CNTN5: variants seen among roughly 807,000 people sequenced by gnomAD.
CNTN5 encodes contactin-5.
CNTN5 carries 77 observed loss-of-function variants against 129.1 expected under a neutral mutation model. The observed-to-expected ratio is 0.60, with a 90% CI of 0.50 to 0.72. The LOEUF (loss-of-function observed/expected upper bound fraction) is 0.72. Among genes scored for constraint, CNTN5 ranks in the 30% least tolerant of loss-of-function variants. The pLI, the probability that CNTN5 is intolerant of heterozygous loss-of-function variation, is 0.00. For synonymous variants in CNTN5, 509 were observed against 465.6 expected, an observed-to-expected ratio of 1.09 and a Z score of -1.20; for missense variants, 1,478 against 1,328.8, an observed-to-expected ratio of 1.11 and a Z score of -1.75.
At chr11:99,833,638 G>A (rs75052226) in intron 4 of CNTN5, among the ~76,000 whole-genome samples, 53 of 152,242 alleles carry the variant, frequency 3.5e-4, no homozygotes, top group African/African-American at 1.3e-3. Context: ...TTAGGAATAC[G>A]TTTGTTGAGG....
chr11:100,308,907 T>C, intron 21 of CNTN5: 4 of 981,110 alleles, frequency 4.1e-6, no homozygotes, highest in Non-Finnish European at 4.8e-6. Context: ...GTATTGTATC[T>C]ATGTATTCAG....
chr11:99,645,230 A>C (rs1413626353), intron 3 of CNTN5, among the ~76,000 whole-genome samples: 1 of 120,276 alleles, frequency 8.3e-6, no homozygotes, highest in Non-Finnish European at 1.6e-5. Context: ...ACTGCACTCC[A>C]GCCTGGGCAA....
chr11:100,078,904 T>C (rs1324032326), intron 13 of CNTN5, among the ~76,000 whole-genome samples: 2 of 152,036 alleles, frequency 1.3e-5, no homozygotes, highest in Non-Finnish European at 2.9e-5. Flanking sequence ...GGGTAATTTA[T>C]AAAGGAAAGA....
At chr11:100,132,599 G>C (rs1281394670) in intron 13 of CNTN5, among the ~76,000 whole-genome samples, 2 of 152,114 alleles carry the variant, frequency 1.3e-5, no homozygotes, top group African/African-American at 4.8e-5. Context: ...GTTGAAATAA[G>C]CTTGCTAGTG....
At chr11:99,652,961 C>G (rs992804727) in intron 3 of CNTN5, among the ~76,000 whole-genome samples, 7 of 151,958 alleles carry the variant, frequency 4.6e-5, no homozygotes, top group African/African-American at 1.7e-4. Flanking sequence ...GGGTTTATTT[C>G]AAGAATATAT....
chr11:100,069,289 C>A (rs12802611), intron 10 of CNTN5, among the ~76,000 whole-genome samples: 12,526 of 151,926 alleles, frequency 0.082, 604 homozygotes, highest in East Asian at 0.19. Flanking sequence ...AGTGGCTGGA[C>A]CGATAGGCAT....
intron 8 of CNTN5, among the ~76,000 whole-genome samples, chr11:99,981,307 C>T (rs1938335273): frequency 6.6e-6 from 1 of 151,882 alleles, no homozygotes; most frequent in South Asian, 2.1e-4. Flanking sequence ...CCTGATAACC[C>T]AGGGGGACCA....
At chr11:99,874,536 A>G (rs974129535) in intron 6 of CNTN5, among the ~76,000 whole-genome samples, 1 of 152,190 alleles carries the variant, frequency 6.6e-6, no homozygotes, top group South Asian at 2.1e-4. Context: ...TTGACGGATA[A>G]TACCTACATC....
At chr11:99,388,895 G>A (rs192970051) in intron 2 of CNTN5, among the ~76,000 whole-genome samples, 1 of 152,176 alleles carries the variant, frequency 6.6e-6, no homozygotes, top group Admixed American at 6.5e-5. Context: ...AATGCTCTGG[G>A]TACTGTGGAA....
intron 16 of CNTN5, among the ~76,000 whole-genome samples, chr11:100,252,583 T>C (rs146210634): frequency 1.4e-4 from 21 of 152,156 alleles, no homozygotes; most frequent in African/African-American, 4.8e-4. Context: ...TTTGAATTGA[T>C]TTTTGTATGA....
intron 2 of CNTN5, among the ~76,000 whole-genome samples, chr11:99,511,905 C>T (rs1181984955): frequency 2.6e-5 from 4 of 151,078 alleles, no homozygotes; most frequent in East Asian, 1.9e-4. Flanking sequence ...TATAGCTCTA[C>T]AATGCATTTG....
At chr11:99,874,861 G>C (rs1210070934) in intron 6 of CNTN5, among the ~76,000 whole-genome samples, 1 of 151,780 alleles carries the variant, frequency 6.6e-6, no homozygotes, top group Non-Finnish European at 1.5e-5. Flanking sequence ...TTTCCTTTTG[G>C]CCATGGGAGT....
chr11:100,340,359 T>C, intron 21 of CNTN5, 104 bp from the exon 22 acceptor site: 1 of 757,326 alleles, frequency 1.3e-6, no homozygotes, highest in East Asian at 2.7e-5. Context: ...GATTTCTTCC[T>C]ATGGGTGGAC....
chr11:99,874,080 G>A (rs922580181), intron 6 of CNTN5, among the ~76,000 whole-genome samples: 1 of 151,956 alleles, frequency 6.6e-6, no homozygotes, highest in Non-Finnish European at 1.5e-5. Context: ...GAAGGAATGG[G>A]GATTTGAAAA....
intron 9 of CNTN5, among the ~76,000 whole-genome samples, chr11:100,005,360 C>T (rs185562189): frequency 6.6e-6 from 1 of 152,200 alleles, no homozygotes; most frequent in East Asian, 1.9e-4. Context: ...CTATACTTGC[C>T]TCTACCTTTT....
At chr11:99,133,572 A>G (rs1476290448) in intron 1 of CNTN5, among the ~76,000 whole-genome samples, 2 of 144,914 alleles carry the variant, frequency 1.4e-5, no homozygotes, top group African/African-American at 2.6e-5. Flanking sequence ...AAAAACAAAT[A>G]ACATTATTAA....
chr11:99,224,657 A>ATTTTTTT (rs3082693), intron 1 of CNTN5, among the ~76,000 whole-genome samples: 4,417 of 108,838 alleles, frequency 0.041, 376 homozygotes, highest in Middle Eastern at 0.074. Context: ...CCAAGGTTGC[A>ATTTTTTT]TTTTTTTTTT....
At chr11:99,074,224 TG>T (rs1362531502) in intron 1 of CNTN5, among the ~76,000 whole-genome samples, 2 of 152,118 alleles carry the variant, frequency 1.3e-5, no homozygotes, top group Non-Finnish European at 1.5e-5. Flanking sequence ...TTGATGGAGT[TG>T]TTTTTTTTTC....
At chr11:100,099,340 T>G (rs1945137823) in intron 13 of CNTN5, among the ~76,000 whole-genome samples, 1 of 152,030 alleles carries the variant, frequency 6.6e-6, no homozygotes, top group South Asian at 2.1e-4. Flanking sequence ...GGGAAAGGGC[T>G]AGGATTTCCT....
Sources: gnomAD v4.1 joint callset for allele counts (sites outside exome capture counted in the v4.1 genomes callset) on GRCh38, gnomAD v4.1.1 for gene constraint, MANE v1.5 for transcripts, NCBI Gene and HGNC (gene_info 2026-07-23, HGNC 2026-07-21) for gene names.